Variants in SYNE3 observed in about 807,000 individuals in gnomAD.
The protein encoded by SYNE3 is spectrin repeat containing nuclear envelope family member 3, also known as nesprin-3.
In SYNE3, 100 loss-of-function variants were observed where a neutral mutation model predicts 111.2. The ratio of observed to expected loss-of-function variants is 0.90; its 90% CI spans 0.77 to 1.06. The LOEUF is 1.06. Among genes scored for constraint, SYNE3 ranks in the 50% least tolerant of loss-of-function variants. The pLI is 0.00. For missense variants in SYNE3, 1,160 were observed against 1,240.3 expected (o/e 0.94, Z 0.97); for synonymous variants, 547 against 533.9 (o/e 1.02, Z -0.34).
intron 1 of SYNE3, among the ~76,000 whole-genome samples, chr14:95,494,706 G>C (rs527745553): frequency 1.3e-5 from 2 of 152,188 alleles, no homozygotes; most frequent in Non-Finnish European, 2.9e-5. Context: ...AACCACACTG[G>C]ACCAAGCAGG....
intron 2 of SYNE3, among the ~76,000 whole-genome samples, chr14:95,474,950 C>T (rs535039782): frequency 1.3e-5 from 2 of 152,360 alleles, no homozygotes; most frequent in South Asian, 2.1e-4. Context: ...GTCAACTGCT[C>T]CATTTGCAGA....
intron 1 of SYNE3, among the ~76,000 whole-genome samples, chr14:95,497,454 GAA>G (rs77144662): frequency 0.64 from 97,436 of 151,636 alleles, 31,738 homozygotes; most frequent in African/African-American, 0.76. Flanking sequence ...CCCGAGGGGA[GAA>G]AAAAAAAGAT....
intron 1 of SYNE3, among the ~76,000 whole-genome samples, chr14:95,510,282 C>T (rs1401173934): frequency 6.6e-6 from 1 of 152,256 alleles, no homozygotes; most frequent in East Asian, 1.9e-4. Flanking sequence ...ATTCACAGAG[C>T]AGAGGGTAGA....
intron 1 of SYNE3, among the ~76,000 whole-genome samples, chr14:95,488,416 G>A (rs868069441): frequency 1.2e-4 from 19 of 152,128 alleles, no homozygotes; most frequent in African/African-American, 3.1e-4. Flanking sequence ...ATGCACCCAC[G>A]GATGGATAGT....
At chr14:95,457,623 A>C (rs901728990) in intron 4 of SYNE3, among the ~76,000 whole-genome samples, 2 of 152,214 alleles carry the variant, frequency 1.3e-5, no homozygotes, top group African/African-American at 2.4e-5. Flanking sequence ...TAGGAATGGC[A>C]TTCAAGACTG....
In SYNE3 at chr14:95,466,044, G is replaced by A. The variant is rs376081330; in HGVS notation, c.514C>T (p.Arg172Trp). The change falls in exon 4 of 18, where the codon CGG (arginine) becomes TGG (tryptophan). Residue 172 changes from arginine to tryptophan, a missense_variant. Transcript: ENST00000682763. ...NVDNQAVLLD[R>W]LLEEAASLFN... ...AGGGAGGCTGCCTCCTCCAGCAGCC[G>A]GTCCAGGAGCACCGCCTGGTTGTCC... The A allele has an allele frequency of 2.4e-5, 38 of 1,612,642 alleles. No homozygotes were observed. Among genetic ancestry groups the A allele is most frequent in the Middle Eastern group, 1.6e-4 (1 of 6,078 alleles).
chr14:95,427,673 G>A (rs567094704), intron 17 of SYNE3, among the ~76,000 whole-genome samples: 148 of 152,272 alleles, frequency 9.7e-4, no homozygotes, highest in Non-Finnish European at 1.6e-3. Flanking sequence ...TCAATCATTG[G>A]AGATGACTCA....
intron 4 of SYNE3, among the ~76,000 whole-genome samples, chr14:95,464,309 C>A (rs913617989): frequency 2.0e-5 from 3 of 152,128 alleles, no homozygotes; most frequent in African/African-American, 7.2e-5. Context: ...CACACAGGTG[C>A]CTGAAGTCTT....
intron 1 of SYNE3, among the ~76,000 whole-genome samples, chr14:95,515,403 T>C (rs1022748561): frequency 1.3e-5 from 2 of 152,192 alleles, no homozygotes; most frequent in African/African-American, 4.8e-5. Context: ...TCCTATGGGC[T>C]GTTGGCTGCC....
At chr14:95,505,898 A>G (rs1890510345) in intron 1 of SYNE3, among the ~76,000 whole-genome samples, 1 of 152,164 alleles carries the variant, frequency 6.6e-6, no homozygotes, top group Admixed American at 6.5e-5. Context: ...TCACCTAGAC[A>G]AGATCCAGAG....
chr14:95,440,182 G>C (rs1886337941), intron 11 of SYNE3, 107 bp from the exon 12 acceptor site: 1 of 1,327,758 alleles, frequency 7.5e-7, no homozygotes, highest in Admixed American at 2.4e-5. Context: ...GGGACCCCAG[G>C]GCTCCCCACC....
chr14:95,455,600 A>G lies in SYNE3; in HGVS notation c.914T>C (p.Met305Thr). The G allele has an allele frequency of 6.2e-7, 1 of 1,613,848 alleles. No homozygotes were observed. The highest frequency in any genetic ancestry group is 8.5e-7 in the Non-Finnish European group (1 of 1,179,950). ...AEKITGELEE[M>T]RKVLEKLRAL... ...GCGCAGCTTCTCCAGAACTTTCCTC[A>G]TCTCTTCCAGTTCTCCGGTGATCTT... The change falls in exon 6 of 18, where the codon ATG becomes ACG. Residue 305 changes from methionine (M) to threonine (T), a missense_variant. Physicochemically the swap from Met to Thr is moderately conservative, Grantham distance 81 (BLOSUM62 -1). Coordinates refer to ENST00000682763, the MANE Select transcript of SYNE3 (RefSeq NM_152592.6).
intron 4 of SYNE3, among the ~76,000 whole-genome samples, chr14:95,464,680 G>A (rs1340711802): frequency 6.6e-6 from 1 of 152,208 alleles, no homozygotes; most frequent in Non-Finnish European, 1.5e-5. Flanking sequence ...AACCTCAGGA[G>A]GAGCCCAGCT....
chr14:95,453,714 G>T lies in SYNE3; in HGVS notation c.1138-1331C>A, dbSNP rs543910008. On this transcript the variant is annotated intron_variant, in intron 6 of 17. Coordinates refer to ENST00000682763, the MANE Select transcript of SYNE3 (RefSeq NM_152592.6). Reference sequence around the variant, plus strand: ...GCAGGAATTCAGCAGGAAGGGCAAGGGTGCAGAGGGTGAGCAAGACTGGGG... The same window carrying T: ...GCAGGAATTCAGCAGGAAGGGCAAGTGTGCAGAGGGTGAGCAAGACTGGGG... Among the ~76,000 whole-genome samples, 76 of 152,318 alleles carry T rather than the reference G, an allele frequency of 5.0e-4. 1 individual carries two copies. Among genetic ancestry groups the T allele is most frequent in the African/African-American group, 1.8e-3 (74 of 41,572 alleles).
At chr14:95,490,264 G>C (rs796308510) in intron 1 of SYNE3, among the ~76,000 whole-genome samples, 7 of 152,362 alleles carry the variant, frequency 4.6e-5, no homozygotes, top group African/African-American at 1.7e-4. Flanking sequence ...ATATTTCCAT[G>C]TTATAACGCA....
At chr14:95,426,309 T>C (rs971887315) in intron 17 of SYNE3, among the ~76,000 whole-genome samples, 5 of 152,172 alleles carry the variant, frequency 3.3e-5, no homozygotes, top group African/African-American at 9.7e-5. Context: ...GGTCAGAGAC[T>C]GCATGGCCCT....
At chr14:95,481,834 G>T (rs1889275522) in intron 1 of SYNE3, among the ~76,000 whole-genome samples, 1 of 152,240 alleles carries the variant, frequency 6.6e-6, no homozygotes, top group African/African-American at 2.4e-5. Flanking sequence ...GATGCAATTT[G>T]GTCTCTGGGG....
At chr14:95,477,834 T>C (rs1391935788) in intron 1 of SYNE3, among the ~76,000 whole-genome samples, 1 of 152,242 alleles carries the variant, frequency 6.6e-6, no homozygotes, top group African/African-American at 2.4e-5. Flanking sequence ...TGTGCAAGCA[T>C]TTAAATGTAT....
At chr14:95,460,103 A>G (rs946906117) in intron 4 of SYNE3, among the ~76,000 whole-genome samples, 1 of 152,194 alleles carries the variant, frequency 6.6e-6, no homozygotes, top group Non-Finnish European at 1.5e-5. Flanking sequence ...CCCTGTCTCA[A>G]AACAGCAACA....
Sources: gnomAD v4.1 joint callset for allele counts (sites outside exome capture counted in the v4.1 genomes callset) on GRCh38, gnomAD v4.1.1 for gene constraint, MANE v1.5 for transcripts, NCBI Gene and HGNC (gene_info 2026-07-23, HGNC 2026-07-21) for gene names.